The following MORN2 variants were observed in gnomAD, a reference collection of about 807,000 sequenced individuals.
MORN2 encodes MORN repeat-containing protein 2.
In MORN2, 15 loss-of-function variants were observed where a neutral mutation model predicts 13.4. That is an observed-to-expected ratio of 1.12 (90% CI 0.75 to 1.72). MORN2 has a LOEUF of 1.72. Ranked by LOEUF, MORN2 falls within the 40% of genes most tolerant of loss-of-function variation. The pLI is 0.00. For synonymous variants in MORN2, 46 were observed against 43.6 expected, an observed-to-expected ratio of 1.06 and a Z score of -0.22; for missense variants, 168 against 134.6, an observed-to-expected ratio of 1.25 and a Z score of -1.23.
intron 2 of MORN2, among the ~76,000 whole-genome samples, 155 bp downstream of exon 2, chr2:38,880,384 C>A (rs1054338939): frequency 6.6e-6 from 1 of 152,100 alleles, no homozygotes; most frequent in African/African-American, 2.4e-5. Flanking sequence ...CTTTTAAAAT[C>A]AAAATTCCAA....
rs3099949 is a variant in MORN2 at position 38,882,252 on chromosome 2, T to G, written c.354-161T>G. Among the ~76,000 whole-genome samples, 37,136 of 149,022 alleles carry G rather than the reference T, an allele frequency of 0.25. 5,180 individuals carry two copies. The highest frequency in any genetic ancestry group is 0.32 in the Non-Finnish European group (21,361 of 67,108). On this transcript the variant is annotated intron_variant, in intron 4 of 4. Coordinates refer to ENST00000644631, the MANE Select transcript of MORN2 (RefSeq NM_001145450.3). ...TTTTTTTTTTTTTGGTTTGTTTGTT[T>G]TTTTGGTAGGATATGAAAGCAGGAT...
At position 38,882,633 on chromosome 2, in the gene MORN2, A is replaced by C. The variant is rs1311695461; in HGVS notation, c.*118A>C. ...CTACCCCTATAAGTTTGCCAATAAA[A>C]CCATCACCTGCTTACACCTTTTTGA... On this transcript the variant is annotated 3_prime_UTR_variant, in exon 5 of 5. Transcript: ENST00000644631. The C allele has an allele frequency of 8.1e-6, 5 of 617,160 alleles. No homozygotes were observed. The highest frequency in any genetic ancestry group is 1.8e-5 in the African/African-American group (1 of 54,322). 38.2% of individuals were successfully genotyped at this position (617,160 alleles called of 1,614,324 possible). A position where few individuals can be genotyped will look rare whatever the true frequency, so the allele number is the denominator to read the frequency against.
intron 1 of MORN2, among the ~76,000 whole-genome samples, chr2:38,876,555 G>C (rs543911620): frequency 1.3e-5 from 2 of 152,314 alleles, no homozygotes; most frequent in East Asian, 3.9e-4. Flanking sequence ...ACACGGAGTC[G>C]GACAGTGGGG....
At chr2:38,877,488 T>G (rs1420662832) in intron 1 of MORN2, among the ~76,000 whole-genome samples, 1 of 151,996 alleles carries the variant, frequency 6.6e-6, no homozygotes, top group Admixed American at 6.5e-5. Context: ...TAAGCAAACA[T>G]AACTAAATTC....
At chr2:38,882,304 G>T in intron 4 of MORN2, 109 bp from the exon 5 acceptor site, 1 of 293,982 alleles carries the variant, frequency 3.4e-6, no homozygotes, top group Non-Finnish European at 5.6e-6. Context: ...AAGCTTGAAA[G>T]TAGAGGATAT....
At chr2:38,877,792 A>AT (rs963586699) in intron 1 of MORN2, among the ~76,000 whole-genome samples, 41 of 149,638 alleles carry the variant, frequency 2.7e-4, no homozygotes, top group Non-Finnish European at 5.2e-4. Flanking sequence ...TTAAAACTTA[A>AT]TTTTTTTTAT....
chr2:38,876,922 GAGTCTGGATGCAAAGGTAGGT>G (rs1417039861), intron 1 of MORN2, among the ~76,000 whole-genome samples: 1 of 152,188 alleles, frequency 6.6e-6, no homozygotes, highest in African/African-American at 2.4e-5. Flanking sequence ...GAAAATGGTG[GAGTCTGGATGCAAAGGTAGGT>G]AGTCCGATGC....
chr2:38,880,376 T>C, intron 2 of MORN2, 147 bp downstream of exon 2: 1 of 400,118 alleles, frequency 2.5e-6, no homozygotes, highest in African/African-American at 2.0e-5. Context: ...ATAAAGAGCT[T>C]TTAAAATCAA....
At chr2:38,879,324 G>A (rs562180012) in intron 1 of MORN2, among the ~76,000 whole-genome samples, 3 of 152,126 alleles carry the variant, frequency 2.0e-5, no homozygotes, top group South Asian at 4.1e-4. Context: ...TTTTGAAAAT[G>A]TACATCAGTG....
In MORN2 at chr2:38,882,404, C is replaced by T. The variant is rs1212831352; in HGVS notation, c.354-9C>T. 1.3e-6 allele frequency: 2 copies of T among 1,521,466 alleles called. No homozygotes were observed. Among genetic ancestry groups the T allele is most frequent in the Non-Finnish European group, 8.9e-7 (1 of 1,122,328 alleles). The allele number at this position is 1,521,466 out of a possible 1,614,324, so 94.2% of individuals were successfully genotyped here. The stretch of plus-strand genomic sequence containing the variant: ...TTGTTAATGGAAAACTTATTTTCTA[C>T]TATTGCAGGGTGGAAGGTGAAGGGG... On this transcript the variant is annotated splice_polypyrimidine_tract_variant and intron_variant, in intron 4 of 4. Coordinates refer to ENST00000644631, the MANE Select transcript of MORN2 (RefSeq NM_001145450.3).
intron 3 of MORN2, 68 bp downstream of exon 3, chr2:38,880,774 T>C: frequency 1.3e-6 from 2 of 1,517,638 alleles, no homozygotes; most frequent in Non-Finnish European, 1.8e-6. Flanking sequence ...TCCAGGCATT[T>C]CACCATTAAT....
intron 1 of MORN2, among the ~76,000 whole-genome samples, chr2:38,877,340 C>G (rs965447107): frequency 6.6e-6 from 1 of 151,984 alleles, no homozygotes; most frequent in African/African-American, 2.4e-5. Flanking sequence ...GAAAGTAGCT[C>G]TGTGTCCCTG....
At chr2:38,879,949 C>G (rs940983222) in intron 1 of MORN2, among the ~76,000 whole-genome samples, 1 of 152,002 alleles carries the variant, frequency 6.6e-6, no homozygotes, top group African/African-American at 2.4e-5. Flanking sequence ...AGAAGTAAGT[C>G]CATTTGGATA....
intron 4 of MORN2, 141 bp downstream of exon 4, chr2:38,881,719 C>G (rs1210928575): frequency 1.5e-6 from 1 of 648,892 alleles, no homozygotes. Flanking sequence ...GGAGTGATCT[C>G]GGCTCACTGC....
rs1471037375 is a variant in MORN2 at position 38,876,591 on chromosome 2, A to C, written c.58+481A>C. On this transcript the variant is annotated intron_variant, in intron 1 of 4. Coordinates refer to ENST00000644631, the MANE Select transcript of MORN2 (RefSeq NM_001145450.3). ...TGAGAAGAGATTTGACTAATCTGCCATCCGTGTCCTGGAGGAACTGGGTGG... is the reference window on the plus strand; with the variant it reads ...TGAGAAGAGATTTGACTAATCTGCCCTCCGTGTCCTGGAGGAACTGGGTGG... Among the ~76,000 whole-genome samples the C allele has an allele frequency of 3.9e-5, 6 of 152,212 alleles. No individual in the cohort carries two copies. In the East Asian group the frequency reaches 1.2e-3, roughly 29 times the overall value.
At chr2:38,882,389 A>G in intron 4 of MORN2, 24 bp from the exon 5 acceptor site, 1 of 1,462,796 alleles carries the variant, frequency 6.8e-7, no homozygotes, top group Non-Finnish European at 9.4e-7. Flanking sequence ...TTGTTAATGG[A>G]AAACTTATTT....
At chr2:38,880,564 C>G in intron 2 of MORN2, 36 bp from the exon 3 acceptor site, 1 of 1,384,848 alleles carries the variant, frequency 7.2e-7, no homozygotes. Context: ...CATAACTATT[C>G]TCATTTATAA....
chr2:38,877,898 GC>G (rs1665692158), intron 1 of MORN2, among the ~76,000 whole-genome samples: 1 of 152,020 alleles, frequency 6.6e-6, no homozygotes, highest in South Asian at 2.1e-4. Flanking sequence ...CTGGGCTCAA[GC>G]GATCCTCCCA....
In MORN2 at chr2:38,882,620, G is replaced by T; in HGVS notation, c.*105G>T. The T allele has an allele frequency of 1.4e-6, 1 of 719,508 alleles. No individual in the cohort carries two copies. Among genetic ancestry groups the T allele is most frequent in the Non-Finnish European group, 2.2e-6 (1 of 445,894 alleles). 44.6% of individuals were successfully genotyped at this position (719,508 alleles called of 1,614,324 possible). On this transcript the variant is annotated 3_prime_UTR_variant, in exon 5 of 5. Coordinates refer to ENST00000644631, the MANE Select transcript of MORN2 (RefSeq NM_001145450.3). ...ATGACTTCATACACTACCCCTATAA[G>T]TTTGCCAATAAAACCATCACCTGCT...
Sources: gnomAD v4.1 joint callset for allele counts (sites outside exome capture counted in the v4.1 genomes callset) on GRCh38, gnomAD v4.1.1 for gene constraint, MANE v1.5 for transcripts, NCBI Gene and HGNC (gene_info 2026-07-23, HGNC 2026-07-21) for gene names.